MMS22L: variants seen among roughly 807,000 people sequenced by gnomAD.
MMS22L encodes MMS22 like, DNA repair protein, also known as protein MMS22-like.
A neutral mutation model predicts 159.1 loss-of-function variants in MMS22L; 74 were observed. That is an observed-to-expected ratio of 0.47 (90% CI 0.39 to 0.56). MMS22L has a LOEUF of 0.56. Among genes scored for constraint, MMS22L ranks in the 20% least tolerant of loss-of-function variants. MMS22L has a pLI of 0.00. For missense variants in MMS22L, 1,351 were observed against 1,422.1 expected, an observed-to-expected ratio of 0.95 and a Z score of 0.80; for synonymous variants, 517 against 506.9, an observed-to-expected ratio of 1.02 and a Z score of -0.27.
intron 14 of MMS22L, among the ~76,000 whole-genome samples, chr6:97,210,828 A>C (rs1174798173): frequency 6.6e-6 from 1 of 152,008 alleles, no homozygotes; most frequent in Non-Finnish European, 1.5e-5. Flanking sequence ...TGGACCATTA[A>C]TTCAACCTAA....
intron 14 of MMS22L, among the ~76,000 whole-genome samples, chr6:97,192,426 T>A (rs908034015): frequency 1.3e-5 from 2 of 152,150 alleles, no homozygotes; most frequent in Non-Finnish European, 2.9e-5. Context: ...CAGTTTTTCA[T>A]CTGTTAAATG....
chr6:97,200,274 T>C (rs1806998451), intron 14 of MMS22L, among the ~76,000 whole-genome samples: 1 of 152,120 alleles, frequency 6.6e-6, no homozygotes, highest in Non-Finnish European at 1.5e-5. Context: ...AGATATGTAG[T>C]TTCATACCAC....
intron 14 of MMS22L, among the ~76,000 whole-genome samples, chr6:97,187,863 A>T (rs1805414287): frequency 6.6e-6 from 1 of 152,196 alleles, no homozygotes; most frequent in Non-Finnish European, 1.5e-5. Context: ...AAAAATTCTA[A>T]GTATAAACTG....
chr6:97,265,252 G>A (rs867976625), intron 8 of MMS22L: 4 of 152,156 alleles, frequency 2.6e-5, no homozygotes, highest in South Asian at 4.1e-4. Flanking sequence ...AGCATGACAC[G>A]GGGAAAGGAC....
In MMS22L at chr6:97,162,093, T is replaced by G. The variant is rs777127621; in HGVS notation, c.3294A>C (p.Gln1098His). Residue 1098 changes from glutamine (Q) to histidine (H), a missense_variant, in exon 22 of 25, where the codon CAA becomes CAC. Physicochemically the swap from Gln to His is conservative, Grantham distance 24. Coordinates refer to ENST00000683635, the MANE Select transcript of MMS22L (RefSeq NM_001350599.2). ...RLASILAFILQLFKETNTDIY... is the reference protein window; with the variant it reads ...RLASILAFILHLFKETNTDIY... ...TGTCTGTGTTAGTTTCCTTGAAGAG[T>G]TGGAGGATGAAGGCCAGAATGGATG... 1 of 1,611,900 alleles carries G rather than the reference T, an allele frequency of 6.2e-7. No individual in the cohort carries two copies.
chr6:97,246,724 T>C (rs1812684306), intron 10 of MMS22L, 34 bp from the exon 11 acceptor site: 1 of 1,472,200 alleles, frequency 6.8e-7, no homozygotes, highest in Admixed American at 1.7e-5. Flanking sequence ...TCAAAATTAT[T>C]GCTCTTGATT....
chr6:97,184,607 T>C (rs547322394), intron 15 of MMS22L, among the ~76,000 whole-genome samples: 1 of 152,288 alleles, frequency 6.6e-6, no homozygotes, highest in Non-Finnish European at 1.5e-5. Context: ...TTTATCTATT[T>C]GGTTACCGTA....
intron 14 of MMS22L, among the ~76,000 whole-genome samples, chr6:97,223,302 C>T (rs1177610815): frequency 6.7e-6 from 1 of 149,452 alleles, no homozygotes; most frequent in East Asian, 1.9e-4. Context: ...GGTACCTATT[C>T]CCACCTGAAT....
At chr6:97,154,987 T>G (rs1289390818) in intron 22 of MMS22L, among the ~76,000 whole-genome samples, 1 of 152,204 alleles carries the variant, frequency 6.6e-6, no homozygotes, top group Non-Finnish European at 1.5e-5. Flanking sequence ...GAGCTATTAG[T>G]ATAGTCACTT....
intron 19 of MMS22L, among the ~76,000 whole-genome samples, chr6:97,169,689 T>A (rs1803321735): frequency 6.6e-6 from 1 of 152,220 alleles, no homozygotes; most frequent in Non-Finnish European, 1.5e-5. Flanking sequence ...GGCTTGCTCC[T>A]CATTTCTTCA....
At chr6:97,268,149 C>T in intron 7 of MMS22L, 147 bp from the exon 8 acceptor site, 1 of 540,218 alleles carries the variant, frequency 1.9e-6, no homozygotes, top group Non-Finnish European at 3.1e-6. Context: ...TGAGGACAAC[C>T]TTCTCATATG....
In MMS22L at chr6:97,238,572, C is replaced by CGTGTGTGTGTGTGTGT. The variant is rs71740630; in HGVS notation, c.1183-4608_1183-4593dup. ...TATGGGCTCTCAGCGTGTCTCATCT[C>CGTGTGTGTGTGTGTGT]GTGTGTGTGTGTGTGTGTGTGTGTG... On this transcript the variant is annotated intron_variant, in intron 11 of 24. Transcript: ENST00000683635. Among the ~76,000 whole-genome samples the CGTGTGTGTGTGTGTGT allele has an allele frequency of 7.7e-3, 704 of 91,488 alleles. 6 individuals are homozygous for CGTGTGTGTGTGTGTGT. The highest frequency in any genetic ancestry group is 0.023 in the African/African-American group (666 of 29,556). The allele number at this position is 91,488 out of a possible 152,430, so 60.0% of individuals were successfully genotyped here.
chr6:97,268,918 T>C (rs1039120313), intron 7 of MMS22L, among the ~76,000 whole-genome samples: 1 of 151,994 alleles, frequency 6.6e-6, no homozygotes, highest in Non-Finnish European at 1.5e-5. Flanking sequence ...TATAGACATA[T>C]ATATGTATGT....
At chr6:97,276,218 T>C (rs921727632) in intron 4 of MMS22L, among the ~76,000 whole-genome samples, 1 of 152,184 alleles carries the variant, frequency 6.6e-6, no homozygotes, top group Non-Finnish European at 1.5e-5. Context: ...CACAGCTACA[T>C]GGCAGGGACA....
intron 14 of MMS22L, among the ~76,000 whole-genome samples, chr6:97,221,129 GCTAA>G (rs1562474142): frequency 6.6e-6 from 1 of 152,112 alleles, no homozygotes; most frequent in East Asian, 1.9e-4. Context: ...CAGGCAATTT[GCTAA>G]CTGCCTTATA....
chr6:97,219,192 A>G (rs991171964), intron 14 of MMS22L, among the ~76,000 whole-genome samples: 1 of 152,190 alleles, frequency 6.6e-6, no homozygotes, highest in African/African-American at 2.4e-5. Context: ...AACTGGTAAC[A>G]CACGGATAAG....
chr6:97,224,974 T>A (rs1810066100), intron 14 of MMS22L, among the ~76,000 whole-genome samples: 1 of 152,166 alleles, frequency 6.6e-6, no homozygotes, highest in Non-Finnish European at 1.5e-5. Flanking sequence ...TATAGTTGGT[T>A]AAGAGTCTGA....
chr6:97,251,208 T>A (rs941322946), intron 10 of MMS22L, among the ~76,000 whole-genome samples: 1 of 152,168 alleles, frequency 6.6e-6, no homozygotes, highest in Non-Finnish European at 1.5e-5. Flanking sequence ...ATGGTTACCC[T>A]ACCAAAGACC....
chr6:97,278,234 C>G (rs977697364), intron 4 of MMS22L, among the ~76,000 whole-genome samples: 3 of 152,054 alleles, frequency 2.0e-5, no homozygotes, highest in African/African-American at 7.2e-5. Context: ...AAAATCCCAT[C>G]TCTACTAAAA....
Sources: allele counts gnomAD v4.1 joint callset (sites outside exome capture counted in the v4.1 genomes callset), GRCh38; gene constraint gnomAD v4.1.1; transcripts MANE v1.5; gene names NCBI Gene and HGNC (gene_info 2026-07-23, HGNC 2026-07-21).